The following ZC4H2 variants were observed in gnomAD, a reference collection of about 807,000 sequenced individuals.
ZC4H2 encodes zinc finger C4H2 domain-containing protein.
For synonymous variants in ZC4H2, 84 were observed against 66.3 expected (o/e 1.27, Z -1.30); for missense variants, 137 against 173.9 (o/e 0.79, Z 1.19).
In ZC4H2 at chrX:64,942,194, G is replaced by T. The variant is rs774058910; in HGVS notation, c.54-20206C>A. 3.6e-5 allele frequency among the ~76,000 whole-genome samples: 4 copies of T among 111,435 alleles called. No individual in the cohort carries two copies. In the East Asian group the frequency reaches 8.4e-4, roughly 23 times the overall value. The stretch of plus-strand genomic sequence containing the variant: ...GTTTATTTGCATAAAGGTGTTTTTA[G>T]TATTCTCTGATGGTAGTTTTTATTT... On this transcript the variant is annotated intron_variant, in intron 1 of 4. Transcript: ENST00000374839.
chrX:65,002,403 G>A (rs1932557746), intron 1 of ZC4H2, among the ~76,000 whole-genome samples: 1 of 104,995 alleles, frequency 9.5e-6, no homozygotes, highest in East Asian at 3.1e-4. Context: ...GAGGCGGGGG[G>A]TCAGCCCCCG....
intron 1 of ZC4H2, among the ~76,000 whole-genome samples, chrX:65,025,276 G>A (rs5918915): frequency 0.064 from 6,893 of 107,003 alleles, 266 homozygotes; most frequent in Non-Finnish European, 0.1. Context: ...AGCCTCCCAA[G>A]TAGCTGGGAC....
chrX:64,927,742 C>T (rs1377153462), intron 1 of ZC4H2, among the ~76,000 whole-genome samples: 2 of 112,382 alleles, frequency 1.8e-5, no homozygotes, highest in East Asian at 5.6e-4. Flanking sequence ...ATTTACACTT[C>T]CACCAACAGT....
At chrX:64,927,430 C>T (rs1929478641) in intron 1 of ZC4H2, among the ~76,000 whole-genome samples, 1 of 111,378 alleles carries the variant, frequency 9.0e-6, no homozygotes, top group African/African-American at 3.3e-5. Flanking sequence ...TGGTTTCCAG[C>T]TTCATCCATG....
intron 1 of ZC4H2, among the ~76,000 whole-genome samples, chrX:65,029,529 T>G (rs1022558466): frequency 5.4e-5 from 6 of 111,511 alleles, no homozygotes; most frequent in African/African-American, 2.0e-4. Flanking sequence ...AGAGTATGTC[T>G]TTTAAGAATG....
At chrX:64,962,983 T>C (rs1212456952) in intron 1 of ZC4H2, among the ~76,000 whole-genome samples, 2 of 110,977 alleles carry the variant, frequency 1.8e-5, no homozygotes, top group East Asian at 5.6e-4. Flanking sequence ...TTTTTTTACA[T>C]TCATGTAAAC....
intron 1 of ZC4H2, among the ~76,000 whole-genome samples, chrX:64,936,553 C>T (rs1245036706): frequency 8.9e-6 from 1 of 111,876 alleles, no homozygotes; most frequent in Admixed American, 9.4e-5. Context: ...AAGGGAAGCC[C>T]ATCAGACTAA....
At chrX:64,934,163 C>T (rs1188348859) in intron 1 of ZC4H2, among the ~76,000 whole-genome samples, 1 of 112,026 alleles carries the variant, frequency 8.9e-6, no homozygotes, top group South Asian at 3.7e-4. Context: ...CAGGGTGTTA[C>T]CTTGTTGTGG....
chrX:64,926,885 A>T (rs1001230013), intron 1 of ZC4H2, among the ~76,000 whole-genome samples: 1 of 111,656 alleles, frequency 9.0e-6, no homozygotes, highest in Non-Finnish European at 1.9e-5. Flanking sequence ...TTGAGTATGG[A>T]TATGTGCAAA....
chrX:64,995,447 C>A (rs1932393884), intron 1 of ZC4H2, among the ~76,000 whole-genome samples: 1 of 112,148 alleles, frequency 8.9e-6, no homozygotes, highest in South Asian at 3.7e-4. Context: ...GCATCCTATG[C>A]CTCCTGGGCT....
chrX:65,002,447 C>T (rs888344092), intron 1 of ZC4H2, among the ~76,000 whole-genome samples: 18 of 107,577 alleles, frequency 1.7e-4, no homozygotes, highest in Non-Finnish European at 2.1e-4. Context: ...AGGTGGGGGG[C>T]GCCTCCGCCC....
chrX:64,992,561 G>C (rs148257190), intron 1 of ZC4H2, among the ~76,000 whole-genome samples: 1 of 111,324 alleles, frequency 9.0e-6, no homozygotes, highest in Non-Finnish European at 1.9e-5. Flanking sequence ...AGCATACCAA[G>C]AATTTAGTTA....
At chrX:64,996,972 G>C (rs1371086040) in intron 1 of ZC4H2, among the ~76,000 whole-genome samples, 1 of 111,859 alleles carries the variant, frequency 8.9e-6, no homozygotes, top group Admixed American at 9.5e-5. Flanking sequence ...TTGATGAAAG[G>C]CATGATTCTA....
intron 1 of ZC4H2, among the ~76,000 whole-genome samples, chrX:65,020,668 A>C (rs769392297): frequency 6.7e-4 from 75 of 111,918 alleles, no homozygotes; most frequent in African/African-American, 1.9e-3. Context: ...GACAGGATCA[A>C]ATTCAAAGAT....
intron 1 of ZC4H2, among the ~76,000 whole-genome samples, chrX:65,027,274 A>C (rs1382083894): frequency 2.7e-5 from 3 of 111,926 alleles, no homozygotes; most frequent in African/African-American, 9.7e-5. Context: ...TCAATAAGGA[A>C]TGGGGAATAG....
chrX:65,031,424 G>T (rs1182215117), intron 1 of ZC4H2, among the ~76,000 whole-genome samples: 1 of 110,999 alleles, frequency 9.0e-6, no homozygotes, highest in African/African-American at 3.3e-5. Flanking sequence ...TTTATTCAAG[G>T]AAGACCTACT....
chrX:64,932,279 A>G (rs1929793322), intron 1 of ZC4H2, among the ~76,000 whole-genome samples: 1 of 111,281 alleles, frequency 9.0e-6, no homozygotes, highest in Non-Finnish European at 1.9e-5. Context: ...CTTGAAAACA[A>G]CACATACTTG....
intron 1 of ZC4H2, among the ~76,000 whole-genome samples, chrX:65,033,892 C>T (rs1227049531): frequency 1.2e-4 from 13 of 110,695 alleles, no homozygotes; most frequent in African/African-American, 3.9e-4. Flanking sequence ...AGTTCAAGAC[C>T]AGCCTGGCCA....
In ZC4H2 at chrX:64,987,644, G is replaced by GA. The variant is rs1164009069; in HGVS notation, c.-272+46984dup. Among the ~76,000 whole-genome samples, 10 of 104,012 alleles carry GA rather than the reference G, an allele frequency of 9.6e-5. No individual in the cohort carries two copies. The East Asian group carries it at 2.7e-3, about 28-fold the overall frequency. 90.3% of individuals were successfully genotyped at this position (104,012 alleles called of 115,157 possible). On this transcript the variant is annotated intron_variant, in intron 1 of 4. Coordinates refer to the ZC4H2 transcript ENST00000337990. ...AAAATGTAAACCTATAAAACTTTTA[G>GA]AAAAAAAAAGGAGAAAACCTTTTGG...
Sources: allele counts gnomAD v4.1 joint callset (sites outside exome capture counted in the v4.1 genomes callset), GRCh38; gene constraint gnomAD v4.1.1; transcripts MANE v1.5; gene names NCBI Gene and HGNC (gene_info 2026-07-23, HGNC 2026-07-21).